KIF26A: variants seen among roughly 807,000 people sequenced by gnomAD.
KIF26A encodes kinesin-like protein KIF26A.
Under a neutral mutation model 126.0 loss-of-function variants are expected in KIF26A, and 74 were observed. That is an observed-to-expected ratio of 0.59 (90% CI 0.49 to 0.71). The LOEUF (loss-of-function observed/expected upper bound fraction) is 0.71. Among genes scored for constraint, KIF26A ranks in the 30% least tolerant of loss-of-function variants. KIF26A has a pLI of 0.00. For synonymous variants in KIF26A, 1,445 were observed against 1,232.7 expected (o/e 1.17, Z -3.61); for missense variants, 2,984 against 2,763.3 (o/e 1.08, Z -1.79).
At chr14:104,156,707 TG>T (rs2037781105) in intron 3 of KIF26A, among the ~76,000 whole-genome samples, 1 of 152,192 alleles carries the variant, frequency 6.6e-6, no homozygotes, top group African/African-American at 2.4e-5. Context: ...GTGTCCCTCC[TG>T]GGTCCCGGGG....
At position 104,150,166 on chromosome 14, in the gene KIF26A, C is replaced by T. The variant is rs866534089; in HGVS notation, c.289-1849C>T. 9.9e-3 allele frequency among the ~76,000 whole-genome samples: 960 copies of T among 97,238 alleles called. 5 individuals are homozygous for T. The highest frequency in any genetic ancestry group is 0.017 in the Middle Eastern group (3 of 176). 63.8% of individuals were successfully genotyped at this position (97,238 alleles called of 152,430 possible). A position where few individuals can be genotyped will look rare whatever the true frequency, so the allele number is the denominator to read the frequency against. ...CCTCCCCCTCCTCCTCCTCCCCCTT[C>T]CCCTTCTCCTCCTTCCCCTCCTCAT... On this transcript the variant is annotated intron_variant, in intron 2 of 14. Coordinates refer to ENST00000423312, the MANE Select transcript of KIF26A (RefSeq NM_015656.2).
rs2037606718 is a variant in KIF26A, at chr14:104,138,661, C to T, written c.-62C>T. The T allele has an allele frequency of 3.3e-6, 4 of 1,217,248 alleles. No individual in the cohort carries two copies. Among genetic ancestry groups the T allele is most frequent in the Non-Finnish European group, 4.1e-6 (4 of 968,486 alleles). 75.4% of individuals were successfully genotyped at this position (1,217,248 alleles called of 1,614,324 possible). On this transcript the variant is annotated 5_prime_UTR_variant, in exon 1 of 15. Transcript: ENST00000423312. ...GCCTCGGGGCCGGATCACGTAGCCG[C>T]GGCGCCCCCGGAGAGCCAGCGTGGC...
At position 104,152,481 on chromosome 14, in the gene KIF26A, G is replaced by A. The variant is rs1352823722; in HGVS notation, c.735+20G>A. 11 of 1,526,634 alleles carry A rather than the reference G, an allele frequency of 7.2e-6. No homozygotes were observed. Among genetic ancestry groups the A allele is most frequent in the Non-Finnish European group, 9.7e-6 (11 of 1,139,646 alleles). 94.6% of individuals were successfully genotyped at this position (1,526,634 alleles called of 1,614,324 possible). A position where few individuals can be genotyped will look rare whatever the true frequency, so the allele number is the denominator to read the frequency against. ...TGCCTGGTGAGTGTCTTGCTCAGCG[G>A]ATGGGAGCTGCTGGCCTCCTTGTCA... On this transcript the variant is annotated intron_variant, in intron 3 of 14. Transcript: ENST00000423312. The surrounding 1 kb of genome is among the most constrained non-coding windows in gnomAD (Gnocchi z 5.9).
intron 2 of KIF26A, among the ~76,000 whole-genome samples, chr14:104,149,811 G>A (rs1308380165): frequency 6.6e-6 from 1 of 152,176 alleles, no homozygotes; most frequent in Non-Finnish European, 1.5e-5. Context: ...GTCGCTGGAC[G>A]GGCAGAGGCT....
intron 10 of KIF26A, 126 bp downstream of exon 10, chr14:104,173,994 A>G: frequency 7.1e-7 from 1 of 1,404,306 alleles, no homozygotes; most frequent in South Asian, 1.5e-5. Flanking sequence ...CCACCACCTG[A>G]CAGGCCTCGC....
At chr14:104,140,528 C>T (rs1395124054) in intron 2 of KIF26A, among the ~76,000 whole-genome samples, 1 of 152,220 alleles carries the variant, frequency 6.6e-6, no homozygotes. Flanking sequence ...CTGGTCTCCT[C>T]ATTCTTGGAG....
chr14:104,167,079 G>A (rs1356334364), intron 5 of KIF26A, 31 bp downstream of exon 5: 5 of 1,489,406 alleles, frequency 3.4e-6, no homozygotes, highest in African/African-American at 2.8e-5. Flanking sequence ...GGGGCCCTGG[G>A]TGGGGAGGCC....
intron 4 of KIF26A, among the ~76,000 whole-genome samples, chr14:104,166,176 T>TAGCA (rs2037898043): frequency 1.5e-5 from 2 of 130,106 alleles, no homozygotes; most frequent in African/African-American, 6.5e-5. Context: ...GTGACGAGGG[T>TAGCA]GGCAGGGGCC....
At position 104,175,595 on chromosome 14, in the gene KIF26A, C is replaced by T. The variant is rs761890919; in HGVS notation, c.2807C>T (p.Pro936Leu). ...AGCGCTTGGCCTGAGCTGCTGGTCC[C>T]GGAAAAGGCTGCAGTGAGTGGAGGC... Reference protein sequence around the residue: ...DSSAWPELLVPEKAAVSGGRR... With the variant: ...DSSAWPELLVLEKAAVSGGRR... The change falls in exon 12 of 15, where the codon CCG becomes CTG. Residue 936 changes from proline (P) to leucine (L), a missense_variant. Physicochemically the swap from Pro to Leu is moderately conservative, Grantham distance 98. Coordinates refer to ENST00000423312, the MANE Select transcript of KIF26A (RefSeq NM_015656.2). 5.0e-5 allele frequency: 80 copies of T among 1,609,918 alleles called. No homozygotes were observed. The highest frequency in any genetic ancestry group is 5.8e-5 in the Non-Finnish European group (69 of 1,179,682).
Position 104,167,013 on chromosome 14 carries a change from T to C in KIF26A, c.1078T>C (p.Ser360Pro), listed in dbSNP as rs752448758. The change falls in exon 5 of 15, where the codon TCC (serine) becomes CCC (proline). Residue 360 changes from serine to proline, a missense_variant. Transcript: ENST00000423312. ...GCCCCCCTGCCTGCTCAGGGCCGCC[T>C]CCAAGACCAAGGACAACCCTGGCAG... ...PAPPCLLRAA[S>P]KTKDNPGSIG... 4 of 1,579,752 alleles carry C rather than the reference T, an allele frequency of 2.5e-6. No homozygotes were observed. The highest frequency in any genetic ancestry group is 3.4e-6 in the Non-Finnish European group (4 of 1,164,132).
At chr14:104,155,327 G>A (rs1223840839) in intron 3 of KIF26A, among the ~76,000 whole-genome samples, 3 of 152,306 alleles carry the variant, frequency 2.0e-5, no homozygotes, top group Non-Finnish European at 2.9e-5. Context: ...TGTGCTCCAC[G>A]GAACCCTGGT....
intron 3 of KIF26A, among the ~76,000 whole-genome samples, chr14:104,156,239 A>G (rs80011959): frequency 0.039 from 5,875 of 152,308 alleles, 419 homozygotes; most frequent in African/African-American, 0.13. Flanking sequence ...GGCTTTTGAT[A>G]GGGAGCACAT....
At chr14:104,144,201 G>A (rs904933400) in intron 2 of KIF26A, among the ~76,000 whole-genome samples, 3 of 152,220 alleles carry the variant, frequency 2.0e-5, no homozygotes, top group Non-Finnish European at 2.9e-5. Flanking sequence ...GGTTGAGGAT[G>A]GGCATTTGGG....
chr14:104,138,989 G>C (rs1299436611), intron 1 of KIF26A, 54 bp from the exon 2 acceptor site: 26 of 1,322,932 alleles, frequency 2.0e-5, no homozygotes, highest in Admixed American at 4.2e-5. Context: ...GCAGGGGTCT[G>C]GATCCGACGG....
chr14:104,143,856 G>A (rs1419049621), intron 2 of KIF26A, among the ~76,000 whole-genome samples: 3 of 152,250 alleles, frequency 2.0e-5, no homozygotes, highest in Admixed American at 2.0e-4. Flanking sequence ...GAGCCCAGGT[G>A]TCACAGGCTT....
At chr14:104,157,688 C>A in intron 3 of KIF26A, 67 bp from the exon 4 acceptor site, 1 of 1,510,758 alleles carries the variant, frequency 6.6e-7, no homozygotes, top group Non-Finnish European at 8.9e-7. Flanking sequence ...TCTCCCACTC[C>A]GGGTGCCAGG....
At position 104,177,140 on chromosome 14, in the gene KIF26A, G is replaced by T. The variant is rs751259805; in HGVS notation, c.4352G>T (p.Gly1451Val). 1.9e-6 allele frequency: 3 copies of T among 1,597,622 alleles called. No individual in the cohort carries two copies. In the African/African-American group the frequency reaches 4.0e-5, roughly 21 times the overall value. ...YEGLAHSSSK[G>V]REAPGRPPRA... Reference sequence around the variant, plus strand: ...GGCCTGGCGCACAGCAGCAGCAAGGGCCGGGAAGCCCCTGGGCGGCCTCCC... The same window carrying T: ...GGCCTGGCGCACAGCAGCAGCAAGGTCCGGGAAGCCCCTGGGCGGCCTCCC... The change falls in exon 12 of 15, where the codon GGC (glycine) becomes GTC (valine). Residue 1451 changes from glycine (G) to valine (V), a missense_variant. By Grantham distance (109) the Gly-to-Val change is moderately radical. Coordinates refer to ENST00000423312, the MANE Select transcript of KIF26A (RefSeq NM_015656.2).
chr14:104,158,937 C>T (rs1344528395), intron 4 of KIF26A, among the ~76,000 whole-genome samples: 3 of 152,222 alleles, frequency 2.0e-5, no homozygotes, highest in African/African-American at 7.2e-5. Context: ...CATTAGCAGC[C>T]CCACGCGGGT....
Position 104,138,620 on chromosome 14 carries a change from G to T in KIF26A, c.-103G>T. ...GCTCTGCGAACTTCCGAGCGGCTGG[G>T]CCGGGCCATGGGGGCGCCTCGGGGC... On this transcript the variant is annotated 5_prime_UTR_variant, in exon 1 of 15. Transcript: ENST00000423312. 1.1e-6 allele frequency: 1 copy of T among 944,578 alleles called. No homozygotes were observed. The highest frequency in any genetic ancestry group is 1.4e-6 in the Non-Finnish European group (1 of 738,382). The allele number at this position is 944,578 out of a possible 1,614,324, so 58.5% of individuals were successfully genotyped here.
Sources: allele counts gnomAD v4.1 joint callset (sites outside exome capture counted in the v4.1 genomes callset), GRCh38; gene constraint gnomAD v4.1.1; non-coding constraint Gnocchi (gnomAD v3.1); transcripts MANE v1.5; gene names NCBI Gene and HGNC (gene_info 2026-07-23, HGNC 2026-07-21).